The following PIP4K2A variants were observed in gnomAD, a reference collection of about 807,000 sequenced individuals.
The protein encoded by PIP4K2A is phosphatidylinositol-5-phosphate 4-kinase type 2 alpha, also known as phosphatidylinositol 5-phosphate 4-kinase type-2 alpha.
PIP4K2A carries 14 observed loss-of-function variants against 42.9 expected under a neutral mutation model. That is an observed-to-expected ratio of 0.33 (90% CI 0.22 to 0.51). PIP4K2A has a LOEUF of 0.51. Ranked by LOEUF, PIP4K2A falls within the 20% of genes least tolerant of loss-of-function variation. The pLI, the probability that PIP4K2A is intolerant of heterozygous loss-of-function variation, is 0.97. For synonymous variants in PIP4K2A, 192 were observed against 192.2 expected (o/e 1.00, Z 0.01); for missense variants, 434 against 519.8 (o/e 0.83, Z 1.61).
chr10:22,539,925 GA>G, intron 9 of PIP4K2A, 45 bp downstream of exon 9: 11 of 1,011,728 alleles, frequency 1.1e-5, no homozygotes, highest in Non-Finnish European at 1.6e-5. Context: ...GAGAGAGAGA[GA>G]GAGAGGGAGA....
chr10:22,642,824 C>T (rs1838808193), intron 1 of PIP4K2A, among the ~76,000 whole-genome samples: 1 of 152,018 alleles, frequency 6.6e-6, no homozygotes, highest in Admixed American at 6.6e-5. Flanking sequence ...ATTCTAACCT[C>T]CAACAATCTT....
chr10:22,607,723 C>G (rs1396063724), intron 3 of PIP4K2A: 1 of 374,046 alleles, frequency 2.7e-6, no homozygotes, highest in Non-Finnish European at 4.9e-6. Context: ...TTCCTACTGA[C>G]TTTTATACCG....
chr10:22,623,440 T>C (rs1007768963), intron 1 of PIP4K2A, among the ~76,000 whole-genome samples: 1 of 152,160 alleles, frequency 6.6e-6, no homozygotes, highest in African/African-American at 2.4e-5. Context: ...ACAAGGGCGG[T>C]GTGCTCCTCG....
At chr10:22,560,069 A>C (rs1342419438) in intron 6 of PIP4K2A, among the ~76,000 whole-genome samples, 1 of 152,180 alleles carries the variant, frequency 6.6e-6, no homozygotes, top group Non-Finnish European at 1.5e-5. Flanking sequence ...CCTAGTGGGA[A>C]ACTTTCCCCT....
intron 6 of PIP4K2A, among the ~76,000 whole-genome samples, chr10:22,555,010 G>A (rs866294062): frequency 1.3e-5 from 2 of 152,208 alleles, no homozygotes; most frequent in African/African-American, 2.4e-5. Context: ...ATTCATCTCC[G>A]CTAATGTGAC....
At chr10:22,672,912 T>C (rs943581521) in intron 1 of PIP4K2A, among the ~76,000 whole-genome samples, 1 of 152,104 alleles carries the variant, frequency 6.6e-6, no homozygotes. Flanking sequence ...TTCCAGAAAA[T>C]GAGTGAGTTC....
rs1208099926 is a variant in PIP4K2A, at chr10:22,537,235, C to T, written c.1187G>A (p.Arg396His). 3 of 1,606,976 alleles carry T rather than the reference C, an allele frequency of 1.9e-6. No homozygotes were observed. Among genetic ancestry groups the T allele is most frequent in the Non-Finnish European group, 2.6e-6 (3 of 1,175,918 alleles). Residue 396 changes from arginine (R) to histidine (H), a missense_variant, in exon 10 of 10, where the codon CGC (arginine) becomes CAC (histidine). By Grantham distance (29) the Arg-to-His change is conservative. Coordinates refer to ENST00000376573, the MANE Select transcript of PIP4K2A (RefSeq NM_005028.5). The stretch of plus-strand genomic sequence containing the variant: ...GATGTGGCCAATAAAGTCCAAAAAG[C>T]GCTTTGAATACTGTTCTGGGTTCAC... Reference protein sequence around the residue: ...STVNPEQYSKRFLDFIGHILT With the variant: ...STVNPEQYSKHFLDFIGHILT
intron 6 of PIP4K2A, among the ~76,000 whole-genome samples, chr10:22,555,419 C>T (rs572202736): frequency 2.0e-5 from 3 of 152,264 alleles, no homozygotes; most frequent in South Asian, 4.1e-4. Flanking sequence ...ATACAAACGT[C>T]GTTATATGCT....
chr10:22,604,416 T>C (rs539508922), intron 3 of PIP4K2A, among the ~76,000 whole-genome samples: 6 of 151,806 alleles, frequency 4.0e-5, no homozygotes, highest in Admixed American at 1.3e-4. Flanking sequence ...ATTTACCCAC[T>C]TGGCTGAATG....
At chr10:22,667,205 C>A (rs959789276) in intron 1 of PIP4K2A, among the ~76,000 whole-genome samples, 4 of 152,236 alleles carry the variant, frequency 2.6e-5, no homozygotes, top group African/African-American at 4.8e-5. Flanking sequence ...CTTAAAAGAG[C>A]AAGATCTTGA....
intron 1 of PIP4K2A, among the ~76,000 whole-genome samples, chr10:22,626,899 T>A (rs532455493): frequency 1.3e-5 from 2 of 152,336 alleles, no homozygotes; most frequent in East Asian, 3.9e-4. Flanking sequence ...TTCAAAAATA[T>A]GTCATGCCAA....
chr10:22,678,375 C>A (rs1839600224), intron 1 of PIP4K2A, among the ~76,000 whole-genome samples: 1 of 152,108 alleles, frequency 6.6e-6, no homozygotes, highest in Admixed American at 6.6e-5. Flanking sequence ...CACATACATA[C>A]ACACACACTC....
intron 1 of PIP4K2A, among the ~76,000 whole-genome samples, chr10:22,670,861 G>A (rs971607954): frequency 3.3e-5 from 5 of 152,124 alleles, no homozygotes; most frequent in Admixed American, 6.5e-5. Context: ...AACGGCAAAT[G>A]TAAGTGTGAC....
rs189861536 is a variant in PIP4K2A at position 22,579,931 on chromosome 10, A to C, written c.493-6474T>G. 1.8e-3 allele frequency among the ~76,000 whole-genome samples: 266 copies of C among 151,932 alleles called. 2 individuals are homozygous for C. Among genetic ancestry groups the C allele is most frequent in the Non-Finnish European group, 3.2e-3 (217 of 68,020 alleles). On this transcript the variant is annotated intron_variant, in intron 4 of 9. Transcript: ENST00000376573. ...CTGAGAAGAAAAAAAAGAAAAAAGA[A>C]AAAAGAAAAAAAAAGACAACCCATT...
chr10:22,573,381 T>C lies in PIP4K2A; in HGVS notation c.569A>G (p.Glu190Gly). 1 of 1,613,562 alleles carries C rather than the reference T, an allele frequency of 6.2e-7. No individual in the cohort carries two copies. The highest frequency in any genetic ancestry group is 1.7e-4 in the Middle Eastern group (1 of 6,060). The change falls in exon 5 of 10, where the codon GAA becomes GGA. Residue 190 changes from glutamate to glycine, a missense_variant. Around this residue, in one of 2 missense-constraint regions of PIP4K2A, gnomAD observed 395 missense variants for 444.5 expected, o/e 0.89. Transcript: ENST00000376573. Reference protein sequence around the residue: ...GMYRLNVDGVEIYVIVTRNVF... With the variant: ...GMYRLNVDGVGIYVIVTRNVF... ...ATTTCTTGTAACTATCACATATATTTCAACTCCATCAACATTAAGCCGGTA... is the reference window on the plus strand; with the variant it reads ...ATTTCTTGTAACTATCACATATATTCCAACTCCATCAACATTAAGCCGGTA...
At chr10:22,686,325 G>A (rs1472490075) in intron 1 of PIP4K2A, among the ~76,000 whole-genome samples, 2 of 152,148 alleles carry the variant, frequency 1.3e-5, no homozygotes, top group African/African-American at 4.8e-5. Context: ...CAAACCATTT[G>A]AGAGAGGGGA....
intron 3 of PIP4K2A, among the ~76,000 whole-genome samples, chr10:22,606,369 G>GTTTA (rs1230958012): frequency 6.6e-6 from 1 of 152,114 alleles, no homozygotes; most frequent in Non-Finnish European, 1.5e-5. Context: ...TTTAATAGCA[G>GTTTA]ATGAGCAACC....
chr10:22,588,551 T>G (rs1213277763), intron 4 of PIP4K2A, among the ~76,000 whole-genome samples: 1 of 152,352 alleles, frequency 6.6e-6, no homozygotes, highest in East Asian at 1.9e-4. Flanking sequence ...TTTTCTTTTT[T>G]TCATTTATTC....
intron 1 of PIP4K2A, among the ~76,000 whole-genome samples, chr10:22,630,139 A>T (rs868540587): frequency 2.0e-5 from 3 of 150,948 alleles, no homozygotes; most frequent in African/African-American, 7.3e-5. Context: ...GAGTTTTAAC[A>T]CCAGCCTGTG....
Sources: allele counts gnomAD v4.1 joint callset (sites outside exome capture counted in the v4.1 genomes callset), GRCh38; gene constraint gnomAD v4.1.1; regional missense constraint gnomAD v4.1.1; transcripts MANE v1.5; gene names NCBI Gene and HGNC (gene_info 2026-07-23, HGNC 2026-07-21).